The following CD59 variants were observed in gnomAD, a reference collection of about 807,000 sequenced individuals.
The protein encoded by CD59 is CD59 glycoprotein.
In CD59, 3 loss-of-function variants were observed where a neutral mutation model predicts 7.0. The ratio of observed to expected loss-of-function variants is 0.43; its 90% CI spans 0.19 to 1.10. The LOEUF (loss-of-function observed/expected upper bound fraction) is 1.10. Among genes scored for constraint, CD59 ranks in the 50% least tolerant of loss-of-function variants. The pLI, the probability that CD59 is intolerant of heterozygous loss-of-function variation, is 0.29. For synonymous variants in CD59, 60 were observed against 62.0 expected (o/e 0.97, Z 0.15); for missense variants, 143 against 151.0 (o/e 0.95, Z 0.28).
chr11:33,722,203 T>C (rs1854098869), intron 2 of CD59, among the ~76,000 whole-genome samples, 176 bp downstream of exon 2: 1 of 152,150 alleles, frequency 6.6e-6, no homozygotes, highest in Non-Finnish European at 1.5e-5. Flanking sequence ...GATGCCCCAC[T>C]GAGGACAAGG....
At chr11:33,724,889 C>T (rs576760166) in intron 1 of CD59, among the ~76,000 whole-genome samples, 13 of 151,734 alleles carry the variant, frequency 8.6e-5, no homozygotes, top group African/African-American at 2.9e-4. Flanking sequence ...TCGGGCTGTT[C>T]CATCAAAATA....
At chr11:33,732,662 C>T (rs1012785926) in intron 1 of CD59, among the ~76,000 whole-genome samples, 1 of 152,208 alleles carries the variant, frequency 6.6e-6, no homozygotes, top group East Asian at 1.9e-4. Flanking sequence ...GACATAGTAA[C>T]TGGAGTTAAT....
intron 1 of CD59, chr11:33,723,033 G>A (rs868429859): frequency 2.3e-6 from 2 of 853,796 alleles, no homozygotes; most frequent in African/African-American, 3.6e-5. Flanking sequence ...TGAATGCCTA[G>A]ATGTGTAGTG....
At chr11:33,712,673 G>A (rs1175438549) in intron 3 of CD59, among the ~76,000 whole-genome samples, 1 of 152,222 alleles carries the variant, frequency 6.6e-6, no homozygotes. Context: ...TCTTTTCAAG[G>A]TGACAGAAAG....
At chr11:33,711,448 A>T in intron 3 of CD59, 1 of 699,406 alleles carries the variant, frequency 1.4e-6, no homozygotes, top group South Asian at 1.5e-5. Flanking sequence ...GCACTTTAGG[A>T]GGCTGAAGTG....
rs890218944 is a variant in CD59, at chr11:33,708,864, C to T, written c.*1262G>A. ...TCAGAAAAGCATCATTCATTGCACT[C>T]GGTTTGTCCAACAGAGTATAATCAA... On this transcript the variant is annotated 3_prime_UTR_variant, in exon 4 of 4. Coordinates refer to ENST00000642928, the MANE Select transcript of CD59 (RefSeq NM_000611.6). 6.6e-6 allele frequency: 1 copy of T among 152,106 alleles called. No homozygotes were observed. Among genetic ancestry groups the T allele is most frequent in the African/African-American group, 2.4e-5 (1 of 41,412 alleles). 9.4% of individuals were successfully genotyped at this position (152,106 alleles called of 1,614,324 possible).
Position 33,704,300 on chromosome 11 carries a change from T to C in CD59, c.*5826A>G, listed in dbSNP as rs540049316. 6.6e-6 allele frequency: 1 copy of C among 152,246 alleles called. No homozygotes were observed. Among genetic ancestry groups the C allele is most frequent in the Admixed American group, 6.5e-5 (1 of 15,290 alleles). The allele number at this position is 152,246 out of a possible 1,614,324, so 9.4% of individuals were successfully genotyped here. ...TGAAGACAGTATCTACTTCATAGGA[T>C]TGATTTGATGGACATATGTATAAGC... On this transcript the variant is annotated 3_prime_UTR_variant, in exon 4 of 4. Coordinates refer to ENST00000642928, the MANE Select transcript of CD59 (RefSeq NM_000611.6).
intron 2 of CD59, among the ~76,000 whole-genome samples, chr11:33,720,800 C>G (rs1354383159): frequency 6.6e-6 from 1 of 152,178 alleles, no homozygotes; most frequent in East Asian, 1.9e-4. Flanking sequence ...AGCCACTAAG[C>G]CAGGGTAGAC....
chr11:33,719,375 A>G (rs2133550424), intron 2 of CD59: 1 of 152,362 alleles, frequency 6.6e-6, no homozygotes, highest in South Asian at 2.1e-4. Flanking sequence ...CAATCCCAGC[A>G]CTTTGGGAGG....
chr11:33,734,469 AC>A (rs1425710172), intron 1 of CD59, among the ~76,000 whole-genome samples: 9 of 151,958 alleles, frequency 5.9e-5, no homozygotes, highest in Non-Finnish European at 1.0e-4. Context: ...CTCTATCCCC[AC>A]CCACCCCACC....
intron 3 of CD59, among the ~76,000 whole-genome samples, chr11:33,715,118 C>G (rs1237583572): frequency 6.6e-6 from 1 of 151,730 alleles, no homozygotes; most frequent in African/African-American, 2.4e-5. Context: ...GGACTACATG[C>G]TAACATGATA....
chr11:33,732,940 G>A (rs1440977302), intron 1 of CD59, among the ~76,000 whole-genome samples: 2 of 152,178 alleles, frequency 1.3e-5, no homozygotes, highest in Admixed American at 6.5e-5. Context: ...ATTGAAAGAG[G>A]AAGAAGGTAG....
intron 3 of CD59, among the ~76,000 whole-genome samples, chr11:33,712,650 CTGCT>C (rs1403882363): frequency 9.2e-5 from 14 of 152,206 alleles, no homozygotes; most frequent in Admixed American, 9.2e-4. Context: ...TGAGGACTGA[CTGCT>C]AACAGGTTTC....
intron 3 of CD59, 64 bp from the exon 4 acceptor site, chr11:33,710,407 T>G: frequency 8.0e-7 from 1 of 1,252,872 alleles, no homozygotes. Flanking sequence ...TGCTTTTGAA[T>G]CCTCAATTCT....
At chr11:33,717,558 A>G (rs545996719) in intron 2 of CD59, 87 bp from the exon 3 acceptor site, 107 of 791,450 alleles carry the variant, frequency 1.4e-4, no homozygotes, top group Non-Finnish European at 2.3e-4. Context: ...ATGGGCCCAA[A>G]GTCAGCAACT....
intron 1 of CD59, among the ~76,000 whole-genome samples, chr11:33,733,015 G>GAA (rs1363739841): frequency 1.3e-5 from 2 of 152,160 alleles, no homozygotes; most frequent in Admixed American, 6.5e-5. Context: ...AGAATGAGAT[G>GAA]AAGACACGAA....
intron 3 of CD59, among the ~76,000 whole-genome samples, chr11:33,710,776 T>C (rs936140590): frequency 2.0e-5 from 3 of 151,552 alleles, no homozygotes; most frequent in African/African-American, 7.3e-5. Context: ...TCATCTGGTC[T>C]TGAACTCCTG....
chr11:33,723,671 C>A lies in CD59; in HGVS notation c.-18-1208G>T, dbSNP rs535271225. Among the ~76,000 whole-genome samples the A allele has an allele frequency of 2.6e-5, 4 of 152,340 alleles. No individual in the cohort carries two copies. The East Asian group carries it at 7.7e-4, about 29-fold the overall frequency. ...CCTACAGCCTGCTACGGGACACCAT[C>A]CCCCATGTGGACCTTCCCAGGAGAC... On this transcript the variant is annotated intron_variant, in intron 1 of 3. Coordinates refer to ENST00000642928, the MANE Select transcript of CD59 (RefSeq NM_000611.6).
At chr11:33,711,442 T>C (rs1564969840) in intron 3 of CD59, 2 of 699,638 alleles carry the variant, frequency 2.9e-6, no homozygotes, top group South Asian at 3.0e-5. Flanking sequence ...ATCCCAGCAC[T>C]TTAGGAGGCT....
Sources: gnomAD v4.1 joint callset for allele counts (sites outside exome capture counted in the v4.1 genomes callset) on GRCh38, gnomAD v4.1.1 for gene constraint, MANE v1.5 for transcripts, NCBI Gene and HGNC (gene_info 2026-07-23, HGNC 2026-07-21) for gene names.